NEGR1: variants seen among roughly 807,000 people sequenced by gnomAD.
NEGR1 encodes IgLON family member 4.
In NEGR1, 10 loss-of-function variants were observed where a neutral mutation model predicts 40.9. The ratio of observed to expected loss-of-function variants is 0.24; its 90% confidence interval spans 0.15 to 0.42. The LOEUF (loss-of-function observed/expected upper bound fraction) is 0.42, where lower values mean the gene tolerates loss of function less well. NEGR1 is among the 10% of genes least tolerant of loss of function. NEGR1 has a pLI of 1.00. For missense variants in NEGR1, 352 were observed against 438.9 expected (o/e 0.80, Z 1.77); for synonymous variants, 185 against 166.8 (o/e 1.11, Z -0.84).
chr1:72,144,771 C>A (rs889334180), intron 1 of NEGR1, among the ~76,000 whole-genome samples: 2 of 152,036 alleles, frequency 1.3e-5, no homozygotes, highest in Non-Finnish European at 2.9e-5. Flanking sequence ...AGGGAGAAAT[C>A]TGTCTTCTTT....
chr1:71,931,327 T>G (rs1232523198), intron 2 of NEGR1, among the ~76,000 whole-genome samples: 1 of 152,196 alleles, frequency 6.6e-6, no homozygotes, highest in Admixed American at 6.5e-5. Context: ...GAGTGTCTAA[T>G]TTGTGCTCTA....
At chr1:71,938,002 T>G (rs1334223129) in intron 1 of NEGR1, among the ~76,000 whole-genome samples, 1 of 152,094 alleles carries the variant, frequency 6.6e-6, no homozygotes, top group Admixed American at 6.6e-5. Flanking sequence ...TTCAATTTCT[T>G]CATGATGAAA....
At chr1:72,108,764 A>T (rs1476773622) in intron 1 of NEGR1, among the ~76,000 whole-genome samples, 1 of 151,688 alleles carries the variant, frequency 6.6e-6, no homozygotes, top group Non-Finnish European at 1.5e-5. Flanking sequence ...AACTGGATGC[A>T]AGAAGAACAA....
intron 6 of NEGR1, among the ~76,000 whole-genome samples, chr1:71,583,856 A>G (rs1193739034): frequency 2.6e-5 from 4 of 152,206 alleles, no homozygotes; most frequent in Admixed American, 2.0e-4. Flanking sequence ...CTCACTAATT[A>G]AGCAGCTCCA....
chr1:72,213,229 G>T (rs556167507), intron 1 of NEGR1, among the ~76,000 whole-genome samples: 2 of 152,044 alleles, frequency 1.3e-5, no homozygotes, highest in African/African-American at 4.8e-5. Flanking sequence ...AATGCAAGGT[G>T]TAATCCGCAG....
intron 2 of NEGR1, among the ~76,000 whole-genome samples, chr1:71,806,586 TTATAA>T (rs1351570518): frequency 2.0e-5 from 3 of 152,142 alleles, no homozygotes; most frequent in Admixed American, 1.3e-4. Context: ...CAGGAAATTG[TTATAA>T]TATAGGCAAA....
chr1:71,422,563 CA>C (rs1325965757), intron 6 of NEGR1: 1 of 152,158 alleles, frequency 6.6e-6, no homozygotes, highest in Non-Finnish European at 1.5e-5. Context: ...GGGCCTAGGT[CA>C]AGCTCAAAGT....
intron 1 of NEGR1, among the ~76,000 whole-genome samples, chr1:72,126,530 A>G (rs1012005847): frequency 2.6e-5 from 4 of 152,136 alleles, no homozygotes; most frequent in African/African-American, 9.7e-5. Flanking sequence ...TATGACACAA[A>G]CGTAAAACCA....
intron 1 of NEGR1, among the ~76,000 whole-genome samples, chr1:72,070,942 C>A (rs1384567883): frequency 1.3e-5 from 2 of 151,856 alleles, no homozygotes; most frequent in Non-Finnish European, 2.9e-5. Context: ...TAAACATGTC[C>A]ATCCTTGAAA....
chr1:71,725,591 A>T lies in NEGR1; in HGVS notation c.536-27452T>A, dbSNP rs529789156. 5.9e-5 allele frequency among the ~76,000 whole-genome samples: 9 copies of T among 151,844 alleles called. No individual in the cohort carries two copies. The East Asian group carries it at 9.7e-4, about 16-fold the overall frequency. On this transcript the variant is annotated intron_variant, in intron 3 of 6. Coordinates refer to ENST00000357731, the MANE Select transcript of NEGR1 (RefSeq NM_173808.3). ...TTTAAGCAACTGTTATTTTCAAATT[A>T]AAAAAAATACTCTTCAAAACACAAT...
chr1:71,742,892 A>G (rs1469288313), intron 3 of NEGR1, among the ~76,000 whole-genome samples: 1 of 152,166 alleles, frequency 6.6e-6, no homozygotes, highest in Non-Finnish European at 1.5e-5. Flanking sequence ...TGTTCCCCCA[A>G]AATTCAGATG....
intron 6 of NEGR1, among the ~76,000 whole-genome samples, chr1:71,530,651 A>C (rs1647330893): frequency 6.6e-6 from 1 of 151,322 alleles, no homozygotes; most frequent in Non-Finnish European, 1.5e-5. Context: ...TCTTTTTTTA[A>C]AGACTGTGGT....
At chr1:71,659,477 A>G (rs377016823) in intron 4 of NEGR1, among the ~76,000 whole-genome samples, 50 of 152,216 alleles carry the variant, frequency 3.3e-4, no homozygotes, top group African/African-American at 1.2e-3. Flanking sequence ...AAAATTGACA[A>G]GTGGGATTTA....
chr1:72,126,303 T>C (rs1227225303), intron 1 of NEGR1, among the ~76,000 whole-genome samples: 1 of 152,128 alleles, frequency 6.6e-6, no homozygotes, highest in East Asian at 1.9e-4. Flanking sequence ...AAACAAAATT[T>C]ACAAAAATAT....
At chr1:71,564,594 C>T (rs1376115631) in intron 6 of NEGR1, among the ~76,000 whole-genome samples, 1 of 152,034 alleles carries the variant, frequency 6.6e-6, no homozygotes, top group Non-Finnish European at 1.5e-5. Flanking sequence ...CAAAGATGTG[C>T]TCTATACAGT....
intron 1 of NEGR1, among the ~76,000 whole-genome samples, chr1:72,054,489 A>G (rs1557503550): frequency 1.3e-5 from 2 of 151,496 alleles, no homozygotes; most frequent in Admixed American, 6.6e-5. Context: ...CTAACATTTG[A>G]AATAAATTTT....
chr1:72,244,364 A>G (rs1376881288), intron 1 of NEGR1, among the ~76,000 whole-genome samples: 1 of 151,928 alleles, frequency 6.6e-6, no homozygotes, highest in Non-Finnish European at 1.5e-5. Context: ...TACATAATTC[A>G]GGATATTTCT....
At chr1:72,150,032 T>C (rs1464408090) in intron 1 of NEGR1, among the ~76,000 whole-genome samples, 2 of 152,094 alleles carry the variant, frequency 1.3e-5, no homozygotes, top group Admixed American at 6.6e-5. Flanking sequence ...ACACATATCT[T>C]CATGTTGTTG....
intron 6 of NEGR1, chr1:71,570,911 A>G (rs1263591953): frequency 6.6e-6 from 1 of 152,120 alleles, no homozygotes; most frequent in East Asian, 1.9e-4. Context: ...TTTTCAATTG[A>G]TAGAAAAAGG....
Sources: gnomAD v4.1 joint callset for allele counts (sites outside exome capture counted in the v4.1 genomes callset) on GRCh38, gnomAD v4.1.1 for gene constraint, MANE v1.5 for transcripts, NCBI Gene and HGNC (gene_info 2026-07-23, HGNC 2026-07-21) for gene names.